FAM171B: variants seen among roughly 807,000 people sequenced by gnomAD.
FAM171B encodes the protein family with sequence similarity 171 member B, also known as protein FAM171B.
In FAM171B, 19 loss-of-function variants were observed where a neutral mutation model predicts 75.6. The observed-to-expected ratio is 0.25, with a 90% CI of 0.18 to 0.37. The LOEUF (loss-of-function observed/expected upper bound fraction) is 0.37. FAM171B is among the 10% of genes least tolerant of loss of function. FAM171B has a pLI of 1.00. For synonymous variants in FAM171B, 367 were observed against 361.7 expected (o/e 1.01, Z -0.17); for missense variants, 848 against 982.4 (o/e 0.86, Z 1.83).
intron 6 of FAM171B, among the ~76,000 whole-genome samples, chr2:186,758,856 C>A (rs1690573370): frequency 1.3e-5 from 2 of 151,984 alleles, no homozygotes; most frequent in Admixed American, 1.3e-4. Flanking sequence ...TTTAAATGTA[C>A]AATTAGTACA....
At chr2:186,719,525 T>G (rs1689921794) in intron 1 of FAM171B, among the ~76,000 whole-genome samples, 1 of 152,220 alleles carries the variant, frequency 6.6e-6, no homozygotes, top group Non-Finnish European at 1.5e-5. Context: ...AGAAGCTCTC[T>G]TAATCTATCA....
At chr2:186,751,405 T>A in intron 5 of FAM171B, 101 bp downstream of exon 5, 1 of 1,095,470 alleles carries the variant, frequency 9.1e-7, no homozygotes, top group Non-Finnish European at 1.2e-6. Context: ...AGTTTTTTAG[T>A]AACATCACAA....
At chr2:186,702,997 T>A (rs994788917) in intron 1 of FAM171B, among the ~76,000 whole-genome samples, 9 of 152,004 alleles carry the variant, frequency 5.9e-5, no homozygotes, top group African/African-American at 2.2e-4. Flanking sequence ...TATAATCACT[T>A]CTTGTTCAGT....
chr2:186,748,674 C>G (rs984721322), intron 4 of FAM171B, among the ~76,000 whole-genome samples: 6 of 152,212 alleles, frequency 3.9e-5, no homozygotes, highest in African/African-American at 1.4e-4. Flanking sequence ...TTAACACATC[C>G]TGTACTGGCT....
chr2:186,736,239 G>A (rs1690196832), intron 1 of FAM171B, among the ~76,000 whole-genome samples: 1 of 152,166 alleles, frequency 6.6e-6, no homozygotes, highest in South Asian at 2.1e-4. Flanking sequence ...CCAGGCAGAT[G>A]TAGGGCAATG....
At chr2:186,705,640 A>G (rs185790203) in intron 1 of FAM171B, among the ~76,000 whole-genome samples, 3 of 152,134 alleles carry the variant, frequency 2.0e-5, no homozygotes, top group Non-Finnish European at 4.4e-5. Context: ...TTCAGACTCA[A>G]ATAACATTTA....
rs1460627863 is a variant in FAM171B at position 186,762,131 on chromosome 2, C to T, written c.1789C>T (p.Pro597Ser). The change falls in exon 8 of 8, where the codon CCC becomes TCC. Residue 597 changes from proline to serine, a missense_variant. By Grantham distance (74) the Pro-to-Ser change is moderately conservative. This residue lies in a region of FAM171B where 665 missense variants were observed against 729.0 expected (regional missense o/e 0.91). Coordinates refer to ENST00000304698, the MANE Select transcript of FAM171B (RefSeq NM_177454.4). The surrounding 1 kb of genome is among the most constrained non-coding windows in gnomAD (Gnocchi z 4.0). ...AATGCCAATTCATTCTCATGCACAG[C>T]CCCCAGATGCCAGGGAAGAGGATAT... ...PKMPIHSHAQ[P>S]PDAREEDIIL... 2 of 1,613,630 alleles carry T rather than the reference C, an allele frequency of 1.2e-6. No individual in the cohort carries two copies. Among genetic ancestry groups the T allele is most frequent in the Non-Finnish European group, 1.7e-6 (2 of 1,179,776 alleles).
intron 1 of FAM171B, among the ~76,000 whole-genome samples, chr2:186,719,150 T>C (rs1441612035): frequency 1.3e-5 from 2 of 152,304 alleles, no homozygotes; most frequent in East Asian, 3.9e-4. Flanking sequence ...AAATGCTCCA[T>C]CTAATTCTGT....
At chr2:186,720,642 A>G (rs1304116226) in intron 1 of FAM171B, among the ~76,000 whole-genome samples, 3 of 123,546 alleles carry the variant, frequency 2.4e-5, no homozygotes, top group Non-Finnish European at 4.9e-5. Flanking sequence ...ATTAGGAAAT[A>G]TTTTTATTTT....
At position 186,694,186 on chromosome 2, in the gene FAM171B, T is replaced by C. The variant is rs1388591732; in HGVS notation, c.13T>C (p.Cys5Arg). The change falls in exon 1 of 8, where the codon TGC (cysteine) becomes CGC (arginine). Residue 5 changes from cysteine to arginine, a missense_variant. Physicochemically the swap from Cys to Arg is radical, Grantham distance 180. This residue lies in a region of FAM171B where 665 missense variants were observed against 729.0 expected (regional missense o/e 0.91). Transcript: ENST00000304698. ...CTGGCTCTAGGCCATGGCGAGGCTC[T>C]GCCGGCGTGTCCCCTGCACCCTGCT... MARL[C>R]RRVPCTLLLG... is the part of the protein sequence containing the mutation. 6.2e-7 allele frequency: 1 copy of C among 1,600,182 alleles called. No individual in the cohort carries two copies. Among genetic ancestry groups the C allele is most frequent in the Non-Finnish European group, 8.5e-7 (1 of 1,177,956 alleles).
intron 1 of FAM171B, among the ~76,000 whole-genome samples, chr2:186,719,562 TAAAAC>T (rs1401406973): frequency 6.6e-6 from 1 of 152,130 alleles, no homozygotes; most frequent in Non-Finnish European, 1.5e-5. Flanking sequence ...AAAAAACAAA[TAAAAC>T]AACAATCTTG....
chr2:186,738,265 C>T (rs560515084), intron 1 of FAM171B, among the ~76,000 whole-genome samples: 7 of 152,188 alleles, frequency 4.6e-5, no homozygotes, highest in African/African-American at 4.8e-5. Flanking sequence ...TTCTGCTGCC[C>T]GCAGTTTGGT....
At chr2:186,698,086 G>T (rs1689607298) in intron 1 of FAM171B, among the ~76,000 whole-genome samples, 1 of 152,116 alleles carries the variant, frequency 6.6e-6, no homozygotes, top group South Asian at 2.1e-4. Context: ...AGGGTCCTGA[G>T]AAGAATTAAT....
chr2:186,724,720 A>AT (rs1211715574), intron 1 of FAM171B, among the ~76,000 whole-genome samples: 1 of 152,160 alleles, frequency 6.6e-6, no homozygotes, highest in Non-Finnish European at 1.5e-5. Flanking sequence ...AGAGAAGACA[A>AT]TTCTAGGAGG....
chr2:186,759,294 G>A (rs557378183), intron 6 of FAM171B, among the ~76,000 whole-genome samples: 9 of 152,168 alleles, frequency 5.9e-5, no homozygotes, highest in African/African-American at 1.9e-4. Context: ...TTCCTCTAGC[G>A]CTGCTGGGTT....
At chr2:186,736,645 CTTTTTTTTTTTTTTT>C (rs71396886) in intron 1 of FAM171B, among the ~76,000 whole-genome samples, 91 of 50,254 alleles carry the variant, frequency 1.8e-3, no homozygotes, top group African/African-American at 7.2e-3. Context: ...GGGATCAGAG[CTTTTTTTTTTTTTTT>C]TTTTTTTTTT....
At position 186,763,423 on chromosome 2, in the gene FAM171B, T is replaced by G. The variant is rs1001614548; in HGVS notation, c.*600T>G. The stretch of plus-strand genomic sequence containing the variant: ...ATAAGATGGGCAAGAAGCTACTTGG[T>G]CATTAGAGAGGGAGACACCAGCTCT... On this transcript the variant is annotated 3_prime_UTR_variant, in exon 8 of 8. Transcript: ENST00000304698. 1.2e-4 allele frequency: 18 copies of G among 152,134 alleles called. 1 individual carries two copies. The highest frequency in any genetic ancestry group is 1.2e-3 in the Admixed American group (18 of 15,256). The allele number at this position is 152,134 out of a possible 1,614,324, so 9.4% of individuals were successfully genotyped here. A position where few individuals can be genotyped will look rare whatever the true frequency, so the allele number is the denominator to read the frequency against.
chr2:186,732,111 GA>G (rs1690125909), intron 1 of FAM171B, among the ~76,000 whole-genome samples: 1 of 152,110 alleles, frequency 6.6e-6, no homozygotes, highest in Non-Finnish European at 1.5e-5. Context: ...TGTCTTCTCT[GA>G]AACCAGAGTC....
chr2:186,722,279 A>G (rs1158440928), intron 1 of FAM171B, among the ~76,000 whole-genome samples: 1 of 152,162 alleles, frequency 6.6e-6, no homozygotes, highest in Non-Finnish European at 1.5e-5. Context: ...TGTTCTAGGT[A>G]TGACACAGAG....
Sources: gnomAD v4.1 joint callset for allele counts (sites outside exome capture counted in the v4.1 genomes callset) on GRCh38, gnomAD v4.1.1 for gene constraint, gnomAD v4.1.1 regional missense constraint, Gnocchi (gnomAD v3.1) non-coding constraint, MANE v1.5 for transcripts, NCBI Gene and HGNC (gene_info 2026-07-23, HGNC 2026-07-21) for gene names.